Variants in MRRF observed in about 807,000 individuals in gnomAD.
The protein encoded by MRRF is ribosome-recycling factor, mitochondrial.
MRRF carries 18 observed loss-of-function variants against 25.1 expected under a neutral mutation model. The observed-to-expected ratio is 0.72, with a 90% CI of 0.50 to 1.06. The LOEUF (loss-of-function observed/expected upper bound fraction) is 1.06, where lower values mean the gene tolerates loss of function less well. Among genes scored for constraint, MRRF ranks in the 50% least tolerant of loss-of-function variants. MRRF has a pLI of 0.00. For missense variants in MRRF, 323 were observed against 319.3 expected, an observed-to-expected ratio of 1.01 and a Z score of -0.09; for synonymous variants, 113 against 112.1, an observed-to-expected ratio of 1.01 and a Z score of -0.05.
intron 2 of MRRF, among the ~76,000 whole-genome samples, chr9:122,274,048 G>A (rs1383792488): frequency 6.6e-6 from 1 of 151,938 alleles, no homozygotes; most frequent in Non-Finnish European, 1.5e-5. Context: ...CTCCCCTCCT[G>A]TCCTATTGCC....
At chr9:122,276,658 G>A (rs1306060711) in intron 2 of MRRF, among the ~76,000 whole-genome samples, 2 of 152,162 alleles carry the variant, frequency 1.3e-5, no homozygotes, top group Non-Finnish European at 2.9e-5. Flanking sequence ...TTTTTGTTGA[G>A]ATTTGATTTG....
chr9:122,265,780 G>A, intron 1 of MRRF: 1 of 1,287,682 alleles, frequency 7.8e-7, no homozygotes, highest in Non-Finnish European at 1.0e-6. Flanking sequence ...GGAGTGATAA[G>A]GTAGGCATAC....
chr9:122,300,548 A>G (rs1308615471), intron 5 of MRRF, among the ~76,000 whole-genome samples: 1 of 152,210 alleles, frequency 6.6e-6, no homozygotes. Context: ...GTTATTATCT[A>G]ATCCTCCTGG....
Position 122,285,559 on chromosome 9 carries a change from C to A in MRRF, c.459+272C>A, listed in dbSNP as rs568243651. 204 of 444,932 alleles carry A rather than the reference C, an allele frequency of 4.6e-4. 3 individuals carry two copies. Among genetic ancestry groups the A allele is most frequent in the African/African-American group, 3.9e-3 (192 of 49,188 alleles). 27.6% of individuals were successfully genotyped at this position (444,932 alleles called of 1,614,324 possible). On this transcript the variant is annotated intron_variant, in intron 4 of 6. Transcript: ENST00000344641. ...TGGAGATGCAGTGATTGGTGCTTGG[C>A]CAGCGTGAAAAGGCTCTGGTGAGCT...
chr9:122,301,519 C>G, intron 5 of MRRF, among the ~76,000 whole-genome samples: 1 of 152,148 alleles, frequency 6.6e-6, no homozygotes. Context: ...AGAATATTTA[C>G]TTTTGTGAAG....
chr9:122,271,091 G>T lies in MRRF; in HGVS notation c.184+16G>T, dbSNP rs764284579. 6 of 1,607,284 alleles carry T rather than the reference G, an allele frequency of 3.7e-6. No individual in the cohort carries two copies. The African/African-American group carries it at 8.0e-5, about 21-fold the overall frequency. ...AAAGCCAAAGGTAGAGACATGTGAC[G>T]TTCTCTCCTACTTCACCCCTTTCTT... is the stretch of plus-strand genomic sequence containing the variant. On this transcript the variant is annotated intron_variant, in intron 2 of 6. Coordinates refer to ENST00000344641, the MANE Select transcript of MRRF (RefSeq NM_138777.5).
chr9:122,277,012 G>A (rs1208359599), intron 2 of MRRF, among the ~76,000 whole-genome samples: 9 of 151,812 alleles, frequency 5.9e-5, no homozygotes, highest in Admixed American at 6.6e-5. Flanking sequence ...AGGCACGCAC[G>A]GCCATGCCTG....
intron 3 of MRRF, among the ~76,000 whole-genome samples, chr9:122,283,888 G>A (rs1483106823): frequency 6.6e-6 from 1 of 152,040 alleles, no homozygotes; most frequent in Non-Finnish European, 1.5e-5. Context: ...TGCCATTTTT[G>A]AAAATTTTTC....
intron 6 of MRRF, among the ~76,000 whole-genome samples, chr9:122,320,094 A>AG (rs1835795480): frequency 6.6e-6 from 1 of 151,736 alleles, no homozygotes; most frequent in African/African-American, 2.4e-5. Context: ...GGCTGGTCTC[A>AG]AACTCCTCGA....
chr9:122,268,452 A>T (rs1192868340), intron 1 of MRRF, among the ~76,000 whole-genome samples: 1 of 152,214 alleles, frequency 6.6e-6, no homozygotes, highest in Non-Finnish European at 1.5e-5. Context: ...GGTTATAAGT[A>T]TGAGTTAGGC....
chr9:122,315,981 TG>T (rs1232975925), intron 6 of MRRF, among the ~76,000 whole-genome samples: 1 of 152,216 alleles, frequency 6.6e-6, no homozygotes, highest in East Asian at 1.9e-4. Flanking sequence ...TGCTTCTTAC[TG>T]TGATTTTTTT....
At chr9:122,303,381 A>G (rs1834595974) in intron 5 of MRRF, among the ~76,000 whole-genome samples, 1 of 151,776 alleles carries the variant, frequency 6.6e-6, no homozygotes. Flanking sequence ...TATCTTGTGT[A>G]CTTTTTAATT....
intron 6 of MRRF, among the ~76,000 whole-genome samples, chr9:122,317,714 A>G (rs563006079): frequency 6.6e-6 from 1 of 152,366 alleles, no homozygotes; most frequent in Non-Finnish European, 1.5e-5. Flanking sequence ...GTCATTTCAG[A>G]TGATGGGATT....
chr9:122,298,802 C>T (rs529099594), intron 5 of MRRF, among the ~76,000 whole-genome samples: 29 of 152,116 alleles, frequency 1.9e-4, no homozygotes, highest in African/African-American at 6.3e-4. Context: ...TTGTATGTGT[C>T]GGATGGTCAT....
intron 2 of MRRF, among the ~76,000 whole-genome samples, chr9:122,274,533 G>GGTGTGTGTGTGTGTGTGTGTGTGTGTGT (rs765131163): frequency 7.1e-6 from 1 of 140,562 alleles, no homozygotes; most frequent in Non-Finnish European, 1.5e-5. Flanking sequence ...ATATGAATCT[G>GGTGTGTGTGTGTGTGTGTGTGTGTGTGT]GTGTGTGTGT....
chr9:122,311,535 T>G (rs1011934243), intron 5 of MRRF, among the ~76,000 whole-genome samples: 5 of 152,368 alleles, frequency 3.3e-5, no homozygotes, highest in Middle Eastern at 3.4e-3. Flanking sequence ...TACATTTTAT[T>G]AAGGCCAAAT....
chr9:122,289,575 T>C (rs1175579847), intron 4 of MRRF, among the ~76,000 whole-genome samples: 5 of 152,104 alleles, frequency 3.3e-5, no homozygotes, highest in Admixed American at 3.3e-4. Context: ...AGATTCTCTC[T>C]TTATTGTTAA....
At chr9:122,276,686 T>C (rs1832794043) in intron 2 of MRRF, among the ~76,000 whole-genome samples, 1 of 152,242 alleles carries the variant, frequency 6.6e-6, no homozygotes, top group South Asian at 2.1e-4. Flanking sequence ...AACATGGTTG[T>C]TTCATAGAAG....
chr9:122,316,346 T>C (rs1286874340), intron 6 of MRRF, among the ~76,000 whole-genome samples: 1 of 152,102 alleles, frequency 6.6e-6, no homozygotes, highest in Non-Finnish European at 1.5e-5. Context: ...CTGCTAATTT[T>C]TTTATTTTTA....
Sources: gnomAD v4.1 joint callset for allele counts (sites outside exome capture counted in the v4.1 genomes callset) on GRCh38, gnomAD v4.1.1 for gene constraint, MANE v1.5 for transcripts, NCBI Gene and HGNC (gene_info 2026-07-23, HGNC 2026-07-21) for gene names.